SGMS2: variants seen among roughly 807,000 people sequenced by gnomAD.
SGMS2 encodes phosphatidylcholine:ceramide cholinephosphotransferase 2.
SGMS2 carries 21 observed loss-of-function variants against 43.8 expected under a neutral mutation model. That is an observed-to-expected ratio of 0.48 (90% confidence interval 0.34 to 0.69). The LOEUF is 0.69. Among genes scored for constraint, SGMS2 ranks in the 30% least tolerant of loss-of-function variants. The pLI is 0.01. For synonymous variants in SGMS2, 167 were observed against 160.6 expected (o/e 1.04, Z -0.30); for missense variants, 384 against 443.2 (o/e 0.87, Z 1.20).
intron 1 of SGMS2, among the ~76,000 whole-genome samples, chr4:107,839,975 T>C (rs1049048205): frequency 6.6e-6 from 1 of 152,174 alleles, no homozygotes; most frequent in Non-Finnish European, 1.5e-5. Context: ...AGTGTACTTA[T>C]TCATTAGTAA....
chr4:107,860,616 C>T (rs1261219574), intron 2 of SGMS2, among the ~76,000 whole-genome samples: 1 of 151,826 alleles, frequency 6.6e-6, no homozygotes, highest in Admixed American at 6.6e-5. Context: ...TCTCCACCTC[C>T]TGGGTTCAAG....
In SGMS2 at chr4:107,892,067, T is replaced by C. The variant is rs555222686; in HGVS notation, c.-244-3243T>C. Among the ~76,000 whole-genome samples the C allele has an allele frequency of 2.0e-5, 3 of 150,136 alleles. No homozygotes were observed. The East Asian group carries it at 5.9e-4, about 29-fold the overall frequency. On this transcript the variant is annotated intron_variant, in intron 2 of 6. Coordinates refer to ENST00000690982, the MANE Select transcript of SGMS2 (RefSeq NM_001375905.1). ...CCTTGCCAAGAACTCTTACCCTCAC[T>C]ATCTGCCTAAATAACTTCTATCTCC...
In SGMS2 at chr4:107,912,788, A is replaced by C. The variant is rs1454224989; in HGVS notation, c.*2235A>C. 2 of 152,138 alleles carry C rather than the reference A, an allele frequency of 1.3e-5. No individual in the cohort carries two copies. The highest frequency in any genetic ancestry group is 2.9e-5 in the Non-Finnish European group (2 of 68,030). 9.4% of individuals were successfully genotyped at this position (152,138 alleles called of 1,614,324 possible). ...CCAGTTTTTTTTTAATTTAAAAAAA[A>C]CCATCACCTTTTAAAGAACTTTAAA... On this transcript the variant is annotated 3_prime_UTR_variant, in exon 7 of 7. Transcript: ENST00000690982.
chr4:107,889,181 C>T (rs112211576), intron 2 of SGMS2, among the ~76,000 whole-genome samples: 2 of 152,166 alleles, frequency 1.3e-5, no homozygotes, highest in Admixed American at 1.3e-4. Context: ...TTATGGTAAT[C>T]TTACTAAATT....
In SGMS2 at chr4:107,910,860, A is replaced by T. The variant is rs1732069640; in HGVS notation, c.*307A>T. 4.1e-6 allele frequency: 1 copy of T among 243,784 alleles called. No homozygotes were observed. The highest frequency in any genetic ancestry group is 2.3e-5 in the African/African-American group (1 of 44,364). 15.1% of individuals were successfully genotyped at this position (243,784 alleles called of 1,614,324 possible). Reference sequence around the variant, plus strand: ...CTCCTTTCTTTATTCTTTCTCCACCAAAACCCTCTACTTCAGAATTTTTTC... The same window carrying T: ...CTCCTTTCTTTATTCTTTCTCCACCTAAACCCTCTACTTCAGAATTTTTTC... On this transcript the variant is annotated 3_prime_UTR_variant, in exon 7 of 7. Transcript: ENST00000690982.
At chr4:107,853,595 CCTTAT>C (rs745837850) in intron 1 of SGMS2, among the ~76,000 whole-genome samples, 7 of 152,136 alleles carry the variant, frequency 4.6e-5, no homozygotes, top group Non-Finnish European at 7.4e-5. Context: ...TCAGTGACTT[CCTTAT>C]CTTGAGAGGA....
At chr4:107,905,035 C>T (rs1404978974) in intron 5 of SGMS2, among the ~76,000 whole-genome samples, 5 of 152,070 alleles carry the variant, frequency 3.3e-5, no homozygotes, top group Admixed American at 1.3e-4. Context: ...AATAAAAACA[C>T]CCCCAGGAAA....
chr4:107,877,308 G>GTT (rs1279570507), intron 2 of SGMS2, among the ~76,000 whole-genome samples: 1 of 152,122 alleles, frequency 6.6e-6, no homozygotes, highest in African/African-American at 2.4e-5. Context: ...TAAATGGGAT[G>GTT]TTTTTTAAGT....
At position 107,899,685 on chromosome 4, in the gene SGMS2, C is replaced by G; in HGVS notation, c.566C>G (p.Ala189Gly). 1 of 1,608,974 alleles carries G rather than the reference C, an allele frequency of 6.2e-7. No homozygotes were observed. The highest frequency in any genetic ancestry group is 8.5e-7 in the Non-Finnish European group (1 of 1,176,912). ...LPVPGMHFQC[A>G]PKLNGDSQAK... is the part of the protein sequence containing the mutation. ...GTGCCTGGAATGCATTTCCAGTGTG[C>G]TCCAAAGGTCAGTACCTCCAAACTG... Residue 189 changes from alanine (A) to glycine (G), a missense_variant, in exon 4 of 7, where the codon GCT (alanine) becomes GGT (glycine). By Grantham distance (60) the Ala-to-Gly change is moderately conservative. Coordinates refer to ENST00000690982, the MANE Select transcript of SGMS2 (RefSeq NM_001375905.1).
chr4:107,888,369 C>T (rs1729921401), intron 2 of SGMS2, among the ~76,000 whole-genome samples: 1 of 152,044 alleles, frequency 6.6e-6, no homozygotes, highest in South Asian at 2.1e-4. Context: ...TTTTCCTAAG[C>T]AAACCAAAAC....
intron 1 of SGMS2, among the ~76,000 whole-genome samples, chr4:107,845,820 C>T (rs1011008438): frequency 2.0e-5 from 3 of 152,218 alleles, no homozygotes; most frequent in East Asian, 1.9e-4. Flanking sequence ...AGGGATAAGG[C>T]GTGTCCTGCC....
chr4:107,880,976 A>G (rs185709889), intron 2 of SGMS2, among the ~76,000 whole-genome samples: 5 of 152,292 alleles, frequency 3.3e-5, no homozygotes, highest in East Asian at 1.9e-4. Context: ...ACATAAAATT[A>G]TATACCCACG....
In SGMS2 at chr4:107,834,599, C is replaced by T. The variant is rs1410495258; in HGVS notation, c.-327+9346C>T. Among the ~76,000 whole-genome samples, 4 of 152,110 alleles carry T rather than the reference C, an allele frequency of 2.6e-5. No individual in the cohort carries two copies. In the East Asian group the frequency reaches 5.8e-4, roughly 22 times the overall value. On this transcript the variant is annotated intron_variant, in intron 1 of 6. Coordinates refer to ENST00000690982, the MANE Select transcript of SGMS2 (RefSeq NM_001375905.1). ...ATCTGGTATTTTCTCATTTGCCTAG[C>T]AATGTTATTATGAAATCCCAGAGAA...
chr4:107,841,317 C>G (rs1265048775), intron 1 of SGMS2, among the ~76,000 whole-genome samples: 1 of 152,052 alleles, frequency 6.6e-6, no homozygotes, highest in Non-Finnish European at 1.5e-5. Context: ...GCAGAGTTTC[C>G]CAAATCTTTT....
rs1460588249 is a variant in SGMS2, at chr4:107,908,557, C to T, written c.728-8C>T. The T allele has an allele frequency of 1.2e-6, 2 of 1,609,914 alleles. No individual in the cohort carries two copies. Among genetic ancestry groups the T allele is most frequent in the Non-Finnish European group, 8.5e-7 (1 of 1,178,084 alleles). ...TCTTATTAACTCTGTAATTTTTCTACTGTCCAGATTCGCCTCGTCACTTCT... is the reference window on the plus strand; with the variant it reads ...TCTTATTAACTCTGTAATTTTTCTATTGTCCAGATTCGCCTCGTCACTTCT... On this transcript the variant is annotated splice_region_variant and splice_polypyrimidine_tract_variant and intron_variant, in intron 5 of 6. Coordinates refer to ENST00000690982, the MANE Select transcript of SGMS2 (RefSeq NM_001375905.1).
chr4:107,890,234 A>AACTT (rs1730089719), intron 2 of SGMS2, among the ~76,000 whole-genome samples: 1 of 152,250 alleles, frequency 6.6e-6, no homozygotes, highest in African/African-American at 2.4e-5. Flanking sequence ...CCCGAAAGGG[A>AACTT]GTCTGGTGTC....
intron 2 of SGMS2, among the ~76,000 whole-genome samples, chr4:107,873,616 A>T (rs1177506163): frequency 6.6e-6 from 1 of 151,980 alleles, no homozygotes; most frequent in Non-Finnish European, 1.5e-5. Context: ...TGCTGTGTTT[A>T]TTTGCATACA....
intron 1 of SGMS2, among the ~76,000 whole-genome samples, chr4:107,848,098 A>C (rs1726936486): frequency 6.6e-6 from 1 of 152,202 alleles, no homozygotes; most frequent in African/African-American, 2.4e-5. Flanking sequence ...AACCTCTGGC[A>C]ACCACTCATC....
At position 107,899,567 on chromosome 4, in the gene SGMS2, T is replaced by C. The variant is rs1730950227; in HGVS notation, c.456-8T>C. On this transcript the variant is annotated splice_region_variant and splice_polypyrimidine_tract_variant and intron_variant, in intron 3 of 6. Coordinates refer to ENST00000690982, the MANE Select transcript of SGMS2 (RefSeq NM_001375905.1). ...CTTGTTTTTCCCCATCCCTATTTTT[T>C]CTTTTAGGTCAATAGTGGGACGCAG... 2 of 1,594,760 alleles carry C rather than the reference T, an allele frequency of 1.3e-6. No homozygotes were observed. Among genetic ancestry groups the C allele is most frequent in the Non-Finnish European group, 8.5e-7 (1 of 1,171,616 alleles).
Sources: gnomAD v4.1 joint callset for allele counts (sites outside exome capture counted in the v4.1 genomes callset) on GRCh38, gnomAD v4.1.1 for gene constraint, MANE v1.5 for transcripts, NCBI Gene and HGNC (gene_info 2026-07-23, HGNC 2026-07-21) for gene names.